Variants in HELZ observed in about 807,000 individuals in gnomAD.
The protein encoded by HELZ is ATP-dependent RNA helicase with zinc finger domain.
HELZ carries 23 observed loss-of-function variants against 218.2 expected under a neutral mutation model. The ratio of observed to expected loss-of-function variants is 0.11; its 90% confidence interval spans 0.08 to 0.15. The LOEUF (loss-of-function observed/expected upper bound fraction) is 0.15, where lower values mean the gene tolerates loss of function less well. Among genes scored for constraint, HELZ ranks in the 10% least tolerant of loss-of-function variants. The pLI, the probability that HELZ is intolerant of heterozygous loss-of-function variation, is 1.00. For synonymous variants in HELZ, 814 were observed against 829.4 expected (o/e 0.98, Z 0.32); for missense variants, 1,813 against 2,353.7 (o/e 0.77, Z 4.75).
In HELZ at chr17:67,151,181, C is replaced by T. The variant is rs1479308983; in HGVS notation, c.2221G>A (p.Val741Met). Reference protein sequence around the residue: ...NRWVKTVHPVVHQYCLISSAH... With the variant: ...NRWVKTVHPVMHQYCLISSAH... ...CTTGAGATCAAACAGTACTGATGCA[C>T]AACTGGGTGGACAGTCTTTACCCAG... Residue 741 changes from valine (V) to methionine (M), a missense_variant, in exon 18 of 33, where the codon GTG becomes ATG. Physicochemically the swap from Val to Met is conservative, Grantham distance 21 (BLOSUM62 1). Transcript: ENST00000358691. 1.2e-6 allele frequency: 2 copies of T among 1,613,508 alleles called. No individual in the cohort carries two copies. The highest frequency in any genetic ancestry group is 1.7e-6 in the Non-Finnish European group (2 of 1,179,720).
chr17:67,084,488 CCG>C (rs1289029511), intron 32 of HELZ, among the ~76,000 whole-genome samples: 1 of 151,664 alleles, frequency 6.6e-6, no homozygotes, highest in Non-Finnish European at 1.5e-5. Context: ...CAGTGAAACC[CCG>C]TCTCTACTAA....
intron 13 of HELZ, among the ~76,000 whole-genome samples, chr17:67,173,640 T>A (rs1257677363): frequency 6.6e-6 from 1 of 152,236 alleles, no homozygotes; most frequent in Non-Finnish European, 1.5e-5. Context: ...AAACAATCCC[T>A]GAGTTTACTA....
intron 27 of HELZ, among the ~76,000 whole-genome samples, chr17:67,116,944 C>A (rs1218490711): frequency 1.3e-5 from 2 of 152,172 alleles, no homozygotes; most frequent in Non-Finnish European, 2.9e-5. Context: ...GCAATCTCCA[C>A]CTCCCAGGTT....
At chr17:67,150,140 T>TTTC (rs774448048) in intron 18 of HELZ, 155 bp from the exon 19 acceptor site, 8 of 472,554 alleles carry the variant, frequency 1.7e-5, no homozygotes, top group African/African-American at 1.6e-4. Context: ...CTTTTTTTTT[T>TTTC]TTTTTTTTTT....
rs1026837716 is a variant in HELZ, at chr17:67,108,931, T to A, written c.4489+185A>T. 1.3e-5 allele frequency among the ~76,000 whole-genome samples: 2 copies of A among 152,186 alleles called. No individual in the cohort carries two copies. Among genetic ancestry groups the A allele is most frequent in the African/African-American group, 4.8e-5 (2 of 41,446 alleles). On this transcript the variant is annotated intron_variant, in intron 29 of 32. Transcript: ENST00000358691. The surrounding 1 kb of genome is among the most constrained non-coding windows in gnomAD (Gnocchi z 4.1). ...CTCTTCCTCACTTACATAATGATGA[T>A]CCTGACATCCACTGGATACTATCAT...
chr17:67,241,920 G>A (rs1255892759), intron 2 of HELZ, among the ~76,000 whole-genome samples: 1 of 152,116 alleles, frequency 6.6e-6, no homozygotes, highest in African/African-American at 2.4e-5. Flanking sequence ...CACTAACTTC[G>A]CTTTGAAATG....
chr17:67,104,607 A>G (rs1159635851), intron 31 of HELZ, among the ~76,000 whole-genome samples: 1 of 152,166 alleles, frequency 6.6e-6, no homozygotes, highest in African/African-American at 2.4e-5. Flanking sequence ...GTGAAAAGAC[A>G]ACCCACACAG....
chr17:67,088,177 C>T (rs1054872508), intron 31 of HELZ, among the ~76,000 whole-genome samples: 1 of 152,214 alleles, frequency 6.6e-6, no homozygotes, highest in African/African-American at 2.4e-5. Flanking sequence ...TAAGATTCCA[C>T]GTTCCGTCTC....
chr17:67,123,921 C>A (rs745713820), intron 25 of HELZ, 42 bp downstream of exon 25: 1 of 1,444,706 alleles, frequency 6.9e-7, no homozygotes, highest in Non-Finnish European at 9.7e-7. Flanking sequence ...AAATCTCTTA[C>A]ATCATAAAAG....
chr17:67,147,404 A>G (rs1008144236), intron 20 of HELZ, among the ~76,000 whole-genome samples: 6 of 152,188 alleles, frequency 3.9e-5, no homozygotes, highest in Non-Finnish European at 8.8e-5. Flanking sequence ...CTCAAGAAAC[A>G]GAATCTCTCT....
At chr17:67,172,216 G>A (rs1367472482) in intron 13 of HELZ, among the ~76,000 whole-genome samples, 1 of 152,144 alleles carries the variant, frequency 6.6e-6, no homozygotes, top group Non-Finnish European at 1.5e-5. Flanking sequence ...GCAGATGTGA[G>A]CCCCTCCTTG....
chr17:67,127,665 T>C (rs2037842541), intron 24 of HELZ, among the ~76,000 whole-genome samples: 2 of 152,232 alleles, frequency 1.3e-5, no homozygotes, highest in South Asian at 2.1e-4. Context: ...CTGGGCAACA[T>C]GCTAAACCTT....
At chr17:67,086,305 T>C (rs720060) in intron 32 of HELZ, among the ~76,000 whole-genome samples, 56,797 of 151,902 alleles carry the variant, frequency 0.37, 11,192 homozygotes, top group East Asian at 0.69. Flanking sequence ...AATATGGAAC[T>C]GGCCAGGTGC....
chr17:67,167,749 G>A lies in HELZ; in HGVS notation c.1478C>T (p.Thr493Ile). ...QLQILASFML[T>I]GVSGGAKYAQ... ...ATACTTTGCACCTCCAGAAACACCA[G>A]TGAGCATGAAGCTTGCCAGAATCTG... The change falls in exon 14 of 33, where the codon ACT (threonine) becomes ATT (isoleucine). Residue 493 changes from threonine to isoleucine, a missense_variant. Around this residue, in one of 4 missense-constraint regions of HELZ, gnomAD observed 714 missense variants for 1,029.2 expected, o/e 0.69. Coordinates refer to ENST00000358691, the MANE Select transcript of HELZ (RefSeq NM_014877.4). 1 of 1,613,980 alleles carries A rather than the reference G, an allele frequency of 6.2e-7. No individual in the cohort carries two copies. Among genetic ancestry groups the A allele is most frequent in the South Asian group, 1.1e-5 (1 of 91,054 alleles).
chr17:67,106,613 T>G (rs1480610291), intron 31 of HELZ, among the ~76,000 whole-genome samples: 2 of 152,320 alleles, frequency 1.3e-5, no homozygotes, highest in South Asian at 2.1e-4. Context: ...GGCAGAAATA[T>G]CTAAGTATTT....
chr17:67,192,398 C>T (rs1452549282), intron 9 of HELZ, among the ~76,000 whole-genome samples: 1 of 151,972 alleles, frequency 6.6e-6, no homozygotes, highest in Non-Finnish European at 1.5e-5. Context: ...TAAAACTTTT[C>T]CTGATGGTAC....
At chr17:67,238,409 CG>C (rs1342234711) in intron 3 of HELZ, among the ~76,000 whole-genome samples, 1 of 149,476 alleles carries the variant, frequency 6.7e-6, no homozygotes, top group African/African-American at 2.5e-5. Context: ...AGGTCGGGTG[CG>C]GTGGCTCACG....
chr17:67,162,959 T>G (rs1380561964), intron 15 of HELZ, among the ~76,000 whole-genome samples: 3 of 152,198 alleles, frequency 2.0e-5, no homozygotes, highest in Non-Finnish European at 4.4e-5. Flanking sequence ...ATCTCTAGGC[T>G]GATAACTCCA....
chr17:67,208,864 G>A (rs1374579305), intron 5 of HELZ, among the ~76,000 whole-genome samples: 1 of 151,648 alleles, frequency 6.6e-6, no homozygotes, highest in Non-Finnish European at 1.5e-5. Context: ...CTGAGCCCCA[G>A]AAGGTCATCA....
Sources: gnomAD v4.1 joint callset for allele counts (sites outside exome capture counted in the v4.1 genomes callset) on GRCh38, gnomAD v4.1.1 for gene constraint, gnomAD v4.1.1 regional missense constraint, Gnocchi (gnomAD v3.1) non-coding constraint, MANE v1.5 for transcripts, NCBI Gene and HGNC (gene_info 2026-07-23, HGNC 2026-07-21) for gene names.